Variants in TRPC3 observed in about 807,000 individuals in gnomAD.
TRPC3 encodes the protein short transient receptor potential channel 3.
A neutral mutation model predicts 90.9 loss-of-function variants in TRPC3; 54 were observed. The observed-to-expected ratio is 0.59, with a 90% CI of 0.48 to 0.75. TRPC3 has a LOEUF of 0.75. TRPC3 is among the 30% of genes least tolerant of loss of function. The pLI is 0.00. For synonymous variants in TRPC3, 424 were observed against 450.9 expected (o/e 0.94, Z 0.75); for missense variants, 918 against 1,194.5 (o/e 0.77, Z 3.41).
intron 2 of TRPC3, among the ~76,000 whole-genome samples, chr4:121,929,379 C>T (rs889124159): frequency 5.3e-5 from 8 of 152,038 alleles, no homozygotes; most frequent in Non-Finnish European, 1.2e-4. Context: ...GAAGCAAACG[C>T]CTCTCCCTAC....
In TRPC3 at chr4:121,912,293, T is replaced by C. The variant is rs967203574; in HGVS notation, c.1342-200A>G. 2.0e-5 allele frequency among the ~76,000 whole-genome samples: 3 copies of C among 152,308 alleles called. No individual in the cohort carries two copies. In the East Asian group the frequency reaches 5.8e-4, roughly 29 times the overall value. ...AAAATAATTTAATAAGTATTCAAAATTCATTGTTTCTAAATGTCCAATTTG... is the reference window on the plus strand; with the variant it reads ...AAAATAATTTAATAAGTATTCAAAACTCATTGTTTCTAAATGTCCAATTTG... On this transcript the variant is annotated intron_variant, in intron 4 of 11. Transcript: ENST00000379645.
chr4:121,892,737 A>T (rs1009862098), intron 10 of TRPC3, among the ~76,000 whole-genome samples: 30 of 152,324 alleles, frequency 2.0e-4, no homozygotes, highest in African/African-American at 6.7e-4. Context: ...CTTAGAAAAG[A>T]AAACACAACA....
At chr4:121,915,001 G>A in intron 3 of TRPC3, 57 bp from the exon 4 acceptor site, 2 of 1,451,528 alleles carry the variant, frequency 1.4e-6, no homozygotes, top group South Asian at 2.8e-5. Context: ...CCATACCATT[G>A]TCAATAGCTC....
At position 121,877,771 on chromosome 4, in the gene TRPC3, G is replaced by A. The variant is rs1455972906; in HGVS notation, c.*1965C>T. 9.9e-6 allele frequency among the ~76,000 whole-genome samples: 1 copy of A among 101,372 alleles called. No homozygotes were observed. Among genetic ancestry groups the A allele is most frequent in the African/African-American group, 4.2e-5 (1 of 23,746 alleles). 66.5% of individuals were successfully genotyped at this position (101,372 alleles called of 152,430 possible). ...GTTAAGAGCTCTACAGTTGTGAGGG[G>A]CATGGACAAAAAAAAAAAAAAAAAA... On this transcript the variant is annotated 3_prime_UTR_variant, in exon 12 of 12. Transcript: ENST00000379645.
At chr4:121,887,424 C>G (rs966953705) in intron 10 of TRPC3, among the ~76,000 whole-genome samples, 3 of 152,164 alleles carry the variant, frequency 2.0e-5, no homozygotes, top group Non-Finnish European at 4.4e-5. Context: ...AACCTAACAT[C>G]ATGTATATAA....
intron 8 of TRPC3, among the ~76,000 whole-genome samples, chr4:121,904,023 G>T (rs932822210): frequency 2.0e-5 from 3 of 152,114 alleles, no homozygotes; most frequent in Non-Finnish European, 4.4e-5. Context: ...ATTGAAGAGA[G>T]AGTAATTTCC....
In TRPC3 at chr4:121,911,897, A is replaced by C; in HGVS notation, c.1538T>G (p.Leu513Arg). 6.2e-7 allele frequency: 1 copy of C among 1,613,446 alleles called. No homozygotes were observed. Among genetic ancestry groups the C allele is most frequent in the Admixed American group, 1.7e-5 (1 of 59,972 alleles). The change falls in exon 5 of 12, where the codon CTA becomes CGA. Residue 513 changes from leucine (L) to arginine (R), a missense_variant. Physicochemically the swap from Leu to Arg is moderately radical, Grantham distance 102. Around this residue, in one of 4 missense-constraint regions of TRPC3, gnomAD observed 609 missense variants for 725.9 expected, o/e 0.84. Coordinates refer to ENST00000379645, the MANE Select transcript of TRPC3 (RefSeq NM_001130698.2). ...CTTACCAAGAACCCAGACCATAATT[A>C]GCATTTCAGTCCATGTAAACTGGGT... ...KTTQFTWTEM[L>R]IMVWVLGMMW...
Position 121,876,597 on chromosome 4 carries a change from G to A in TRPC3, c.*3139C>T, listed in dbSNP as rs964400262. Among the ~76,000 whole-genome samples, 2 of 152,164 alleles carry A rather than the reference G, an allele frequency of 1.3e-5. No individual in the cohort carries two copies. Among genetic ancestry groups the A allele is most frequent in the African/African-American group, 4.8e-5 (2 of 41,424 alleles). ...TGAAATATAAATATATTGACATATT[G>A]GGTAAGATAGTTATCCTAAATTGTA... On this transcript the variant is annotated 3_prime_UTR_variant, in exon 12 of 12. Coordinates refer to ENST00000379645, the MANE Select transcript of TRPC3 (RefSeq NM_001130698.2).
chr4:121,929,780 TA>T (rs2149139945), intron 2 of TRPC3, among the ~76,000 whole-genome samples: 2 of 152,104 alleles, frequency 1.3e-5, no homozygotes, highest in South Asian at 4.1e-4. Context: ...GGGGGTGAGA[TA>T]CTAGATATTA....
intron 1 of TRPC3, among the ~76,000 whole-genome samples, chr4:121,942,055 T>A (rs1309384092): frequency 6.6e-6 from 1 of 152,122 alleles, no homozygotes; most frequent in Non-Finnish European, 1.5e-5. Context: ...ACCAGCAAGA[T>A]AAGGTGCTTC....
intron 11 of TRPC3, among the ~76,000 whole-genome samples, chr4:121,880,629 GA>G (rs144848461): frequency 0.048 from 7,272 of 152,158 alleles, 554 homozygotes; most frequent in African/African-American, 0.16. Flanking sequence ...TCTTCAAGGA[GA>G]GGCAGTATTT....
intron 3 of TRPC3, among the ~76,000 whole-genome samples, chr4:121,919,185 A>C (rs1729420507): frequency 1.3e-5 from 2 of 152,164 alleles, no homozygotes; most frequent in Admixed American, 6.5e-5. Flanking sequence ...AAACTGAACC[A>C]CTGATCAGGG....
chr4:121,933,076 T>C (rs774380033), intron 1 of TRPC3, 34 bp from the exon 2 acceptor site: 2 of 1,524,064 alleles, frequency 1.3e-6, no homozygotes, highest in African/African-American at 2.8e-5. Context: ...AACTGTAGAA[T>C]ATTAGGGCAC....
intron 10 of TRPC3, among the ~76,000 whole-genome samples, chr4:121,885,015 G>A (rs1363982120): frequency 6.6e-6 from 1 of 152,182 alleles, no homozygotes; most frequent in Non-Finnish European, 1.5e-5. Context: ...ATGTGTATCA[G>A]TTGAAAGCAG....
At chr4:121,942,175 T>A (rs1299478676) in intron 1 of TRPC3, among the ~76,000 whole-genome samples, 2 of 152,226 alleles carry the variant, frequency 1.3e-5, no homozygotes, top group Non-Finnish European at 2.9e-5. Flanking sequence ...CCAGCACTTA[T>A]AAGCCCAGAG....
rs1012112527 is a variant in TRPC3 at position 121,876,894 on chromosome 4, T to C, written c.*2842A>G. ...TCTTTATCTGTAAATGAGAAAAAAA[T>C]AAGAATAGCAAAGAGGTAAAAAATG... On this transcript the variant is annotated 3_prime_UTR_variant, in exon 12 of 12. Coordinates refer to ENST00000379645, the MANE Select transcript of TRPC3 (RefSeq NM_001130698.2). 2.6e-5 allele frequency among the ~76,000 whole-genome samples: 4 copies of C among 152,056 alleles called. No homozygotes were observed. The highest frequency in any genetic ancestry group is 1.3e-4 in the Admixed American group (2 of 15,278).
rs555767202 is a variant in TRPC3, at chr4:121,933,948, T to G, written c.216-906A>C. ...AATAAGAATTATTTAATTACTAGTA[T>G]TATATATTTGCCTCTTGGAACTGAA... On this transcript the variant is annotated intron_variant, in intron 1 of 11. Coordinates refer to ENST00000379645, the MANE Select transcript of TRPC3 (RefSeq NM_001130698.2). Among the ~76,000 whole-genome samples, 8 of 152,374 alleles carry G rather than the reference T, an allele frequency of 5.3e-5. No individual in the cohort carries two copies. In the South Asian group the frequency reaches 1.4e-3, roughly 28 times the overall value.
chr4:121,882,541 A>T lies in TRPC3; in HGVS notation c.2548-112T>A, dbSNP rs55965341. The T allele has an allele frequency of 9.8e-3, 8,391 of 854,202 alleles. 487 individuals carry two copies. In the African/African-American group the frequency reaches 0.13, roughly 13 times the overall value. The allele number at this position is 854,202 out of a possible 1,614,324, so 52.9% of individuals were successfully genotyped here. A position where few individuals can be genotyped will look rare whatever the true frequency, so the allele number is the denominator to read the frequency against. ...AAGCAAACAACTCAGGGGAGAAAAAAATTTTATAACTATGTATAGAAAAAT... is the reference window on the plus strand; with the variant it reads ...AAGCAAACAACTCAGGGGAGAAAAATATTTTATAACTATGTATAGAAAAAT... On this transcript the variant is annotated intron_variant, in intron 10 of 11. Coordinates refer to ENST00000379645, the MANE Select transcript of TRPC3 (RefSeq NM_001130698.2).
intron 6 of TRPC3, among the ~76,000 whole-genome samples, chr4:121,909,168 T>C (rs1282627476): frequency 6.6e-6 from 1 of 152,160 alleles, no homozygotes; most frequent in East Asian, 1.9e-4. Flanking sequence ...CATTTGCTCA[T>C]TTGAACAAGT....
Sources: gnomAD v4.1 joint callset for allele counts (sites outside exome capture counted in the v4.1 genomes callset) on GRCh38, gnomAD v4.1.1 for gene constraint, gnomAD v4.1.1 regional missense constraint, MANE v1.5 for transcripts, NCBI Gene and HGNC (gene_info 2026-07-23, HGNC 2026-07-21) for gene names.